MRPL13: variants seen among roughly 807,000 people sequenced by gnomAD.
The protein encoded by MRPL13 is large ribosomal subunit protein uL13m.
In MRPL13, 33 loss-of-function variants were observed where a neutral mutation model predicts 29.0. That is an observed-to-expected ratio of 1.14 (90% CI 0.86 to 1.52). The LOEUF (loss-of-function observed/expected upper bound fraction) is 1.52, where lower values mean the gene tolerates loss of function less well. Ranked by LOEUF, MRPL13 falls within the 40% of genes most tolerant of loss-of-function variation. The pLI is 0.00. For synonymous variants in MRPL13, 77 were observed against 68.4 expected, an observed-to-expected ratio of 1.13 and a Z score of -0.62; for missense variants, 227 against 216.7, an observed-to-expected ratio of 1.05 and a Z score of -0.30.
intron 2 of MRPL13, among the ~76,000 whole-genome samples, chr8:120,439,104 C>T (rs943450253): frequency 6.6e-6 from 1 of 152,214 alleles, no homozygotes; most frequent in Non-Finnish European, 1.5e-5. Flanking sequence ...CATTCATGGA[C>T]ATGCTCAGAG....
chr8:120,444,826 T>TC (rs750865381), intron 1 of MRPL13: 7 of 503,108 alleles, frequency 1.4e-5, no homozygotes, highest in Admixed American at 3.2e-5. Context: ...CTAATCCTCT[T>TC]CCCCCCGCCC....
At chr8:120,426,510 T>G (rs1377025558) in intron 3 of MRPL13, among the ~76,000 whole-genome samples, 4 of 152,100 alleles carry the variant, frequency 2.6e-5, no homozygotes, top group African/African-American at 9.7e-5. Context: ...AAAAAAATAT[T>G]TTACAATTTC....
chr8:120,417,422 A>C (rs1003598457), intron 5 of MRPL13, among the ~76,000 whole-genome samples: 9 of 152,198 alleles, frequency 5.9e-5, no homozygotes, highest in Admixed American at 2.6e-4. Context: ...TGGCCACAGA[A>C]TACGCTGGTA....
At chr8:120,405,595 C>T (rs1044732746) in intron 6 of MRPL13, among the ~76,000 whole-genome samples, 1 of 152,214 alleles carries the variant, frequency 6.6e-6, no homozygotes, top group Non-Finnish European at 1.5e-5. Context: ...ATTACTAATA[C>T]TATCTAACAG....
At chr8:120,409,997 A>G (rs1812722421) in intron 6 of MRPL13, among the ~76,000 whole-genome samples, 1 of 152,216 alleles carries the variant, frequency 6.6e-6, no homozygotes, top group African/African-American at 2.4e-5. Context: ...GCTAGCTTTT[A>G]ATTAAGATTA....
At chr8:120,404,435 CCT>C (rs1401724094) in intron 6 of MRPL13, among the ~76,000 whole-genome samples, 8 of 152,154 alleles carry the variant, frequency 5.3e-5, no homozygotes, top group African/African-American at 1.9e-4. Flanking sequence ...AAGCAAATTT[CCT>C]CTTTGTCTTT....
chr8:120,438,148 G>A (rs1300076318), intron 2 of MRPL13, among the ~76,000 whole-genome samples: 3 of 152,140 alleles, frequency 2.0e-5, no homozygotes, highest in Non-Finnish European at 4.4e-5. Context: ...TGGATCCCTT[G>A]AGCTCAGGAG....
intron 6 of MRPL13, among the ~76,000 whole-genome samples, chr8:120,404,628 A>G (rs1259894690): frequency 5.9e-5 from 9 of 152,216 alleles, no homozygotes; most frequent in Non-Finnish European, 1.2e-4. Flanking sequence ...CTTCCTTGTA[A>G]ATAACACATG....
At chr8:120,410,852 G>A (rs1211170937) in intron 6 of MRPL13, among the ~76,000 whole-genome samples, 1 of 151,796 alleles carries the variant, frequency 6.6e-6, no homozygotes, top group Non-Finnish European at 1.5e-5. Flanking sequence ...TGCGATCTCG[G>A]CAACCTCCGC....
At chr8:120,438,698 A>C (rs1408869539) in intron 2 of MRPL13, among the ~76,000 whole-genome samples, 1 of 152,226 alleles carries the variant, frequency 6.6e-6, no homozygotes, top group African/African-American at 2.4e-5. Context: ...GTGGTTAAGA[A>C]TCACCAGACT....
intron 1 of MRPL13, among the ~76,000 whole-genome samples, chr8:120,444,459 G>GT (rs1482076829): frequency 1.3e-5 from 2 of 152,128 alleles, no homozygotes; most frequent in Non-Finnish European, 2.9e-5. Flanking sequence ...TTCTTTTGCT[G>GT]TTGGCCTATA....
At chr8:120,443,838 G>A (rs1176323713) in intron 1 of MRPL13, among the ~76,000 whole-genome samples, 2 of 152,098 alleles carry the variant, frequency 1.3e-5, no homozygotes, top group East Asian at 3.9e-4. Context: ...GTACAGATGG[G>A]TGATGTGGAA....
intron 6 of MRPL13, among the ~76,000 whole-genome samples, chr8:120,405,222 C>T (rs1286334544): frequency 2.0e-5 from 3 of 152,142 alleles, no homozygotes; most frequent in Non-Finnish European, 4.4e-5. Context: ...GGTTTTTACA[C>T]TAAATATGGT....
At chr8:120,404,484 C>T (rs1045487082) in intron 6 of MRPL13, among the ~76,000 whole-genome samples, 1 of 152,102 alleles carries the variant, frequency 6.6e-6, no homozygotes, top group Non-Finnish European at 1.5e-5. Context: ...TTTCAAAATC[C>T]ACCTCAAACG....
chr8:120,408,243 ATTG>A (rs1026217736), intron 6 of MRPL13, among the ~76,000 whole-genome samples: 15 of 152,308 alleles, frequency 9.8e-5, no homozygotes, highest in Admixed American at 7.8e-4. Flanking sequence ...AACCTGTAAG[ATTG>A]TTGAAAATTT....
Position 120,425,391 on chromosome 8 carries a change from A to C in MRPL13, c.246-25T>G. ...GCTGTTAAAAGGAGAAAAGACATTA[A>C]AACTGGGCATAGGCTGATACTGTAT... is the stretch of plus-strand genomic sequence containing the variant. On this transcript the variant is annotated intron_variant, in intron 3 of 6. Transcript: ENST00000306185. 4 of 1,547,286 alleles carry C rather than the reference A, an allele frequency of 2.6e-6. No homozygotes were observed. The South Asian group carries it at 4.5e-5, about 17-fold the overall frequency.
intron 3 of MRPL13, among the ~76,000 whole-genome samples, chr8:120,431,772 T>G (rs1050052519): frequency 1.3e-5 from 2 of 151,870 alleles, no homozygotes; most frequent in African/African-American, 4.8e-5. Flanking sequence ...AGTAAAAGAG[T>G]GACTAAAACA....
At chr8:120,444,103 C>T (rs1813167252) in intron 1 of MRPL13, among the ~76,000 whole-genome samples, 1 of 151,992 alleles carries the variant, frequency 6.6e-6, no homozygotes, top group East Asian at 1.9e-4. Context: ...AAGAAAAAGG[C>T]CAGTTTTTGT....
chr8:120,400,554 G>T (rs1220028996), intron 6 of MRPL13, among the ~76,000 whole-genome samples: 1 of 151,748 alleles, frequency 6.6e-6, no homozygotes, highest in Non-Finnish European at 1.5e-5. Flanking sequence ...ACCTGATATT[G>T]CAACAAAAAG....
Sources: gnomAD v4.1 joint callset for allele counts (sites outside exome capture counted in the v4.1 genomes callset) on GRCh38, gnomAD v4.1.1 for gene constraint, MANE v1.5 for transcripts, NCBI Gene and HGNC (gene_info 2026-07-23, HGNC 2026-07-21) for gene names.